The following ZNF724 variants were observed in gnomAD, a reference collection of about 807,000 sequenced individuals.
ZNF724 encodes the protein zinc finger protein 724, also known as zinc finger protein 724 pseudogene.
In ZNF724, 14 loss-of-function variants were observed where a neutral mutation model predicts 29.3. The ratio of observed to expected loss-of-function variants is 0.48; its 90% CI spans 0.32 to 0.75. The LOEUF is 0.75. Among genes scored for constraint, ZNF724 ranks in the 30% least tolerant of loss-of-function variants. The pLI, the probability that ZNF724 is intolerant of heterozygous loss-of-function variation, is 0.04. For missense variants in ZNF724, 557 were observed against 571.2 expected, an observed-to-expected ratio of 0.98 and a Z score of 0.25; for synonymous variants, 180 against 193.6, an observed-to-expected ratio of 0.93 and a Z score of 0.58.
At chr19:23,245,336 A>G (rs577839781) in intron 1 of ZNF724, among the ~76,000 whole-genome samples, 2 of 152,214 alleles carry the variant, frequency 1.3e-5, no homozygotes, top group Non-Finnish European at 2.9e-5. Flanking sequence ...TGATTTAGCC[A>G]GGTGCGGTGG....
intron 1 of ZNF724, among the ~76,000 whole-genome samples, chr19:23,244,636 G>C (rs1357985965): frequency 6.6e-6 from 1 of 152,086 alleles, no homozygotes; most frequent in Non-Finnish European, 1.5e-5. Context: ...TATAGAGTTT[G>C]CTGAACACCA....
chr19:23,225,012 C>A (rs566906072), intron 3 of ZNF724, among the ~76,000 whole-genome samples: 242 of 151,576 alleles, frequency 1.6e-3, no homozygotes, highest in African/African-American at 5.6e-3. Context: ...AATCTGTTGA[C>A]AATGCTATGA....
chr19:23,229,259 C>T (rs558728857), intron 3 of ZNF724, among the ~76,000 whole-genome samples: 11 of 152,100 alleles, frequency 7.2e-5, no homozygotes, highest in Non-Finnish European at 1.6e-4. Context: ...ACTGAGAATA[C>T]TGAACTTACC....
At chr19:23,229,851 A>G (rs911513044) in intron 3 of ZNF724, among the ~76,000 whole-genome samples, 2 of 152,146 alleles carry the variant, frequency 1.3e-5, no homozygotes, top group African/African-American at 4.8e-5. Context: ...TATTGTGCCC[A>G]GTGTCAATGC....
intron 1 of ZNF724, among the ~76,000 whole-genome samples, chr19:23,246,956 C>T (rs1332966524): frequency 6.6e-6 from 1 of 152,078 alleles, no homozygotes; most frequent in Non-Finnish European, 1.5e-5. Context: ...GGCACGGTGA[C>T]TCACGCCTGT....
chr19:23,227,170 CTT>C (rs1444655551), intron 3 of ZNF724, among the ~76,000 whole-genome samples: 1 of 152,026 alleles, frequency 6.6e-6, no homozygotes. Flanking sequence ...TAATGAGAAA[CTT>C]TTAATAAATA....
chr19:23,230,670 G>A (rs1252107175), intron 3 of ZNF724, among the ~76,000 whole-genome samples: 2 of 152,064 alleles, frequency 1.3e-5, no homozygotes, highest in African/African-American at 4.8e-5. Context: ...AGCAGATTTT[G>A]TAGTCTTGTA....
intron 1 of ZNF724, among the ~76,000 whole-genome samples, chr19:23,244,953 T>C (rs936607098): frequency 1.8e-4 from 28 of 152,128 alleles, no homozygotes; most frequent in African/African-American, 6.5e-4. Context: ...AAAAGTCAAA[T>C]GAAAGAAATG....
Position 23,222,759 on chromosome 19 carries a change from G to A in ZNF724, c.1486C>T (p.His496Tyr), listed in dbSNP as rs1043206694. Reference protein sequence around the residue: ...AFNLSSHLTTHKKIHTGEKPY... With the variant: ...AFNLSSHLTTYKKIHTGEKPY... ...TTCTCTCCAGTATGAATTTTCTTAT[G>A]TGTTGTAAGGTGTGAGGATAGGTTA... Residue 496 changes from histidine (H) to tyrosine (Y), a missense_variant, in exon 4 of 4, where the codon CAT (histidine) becomes TAT (tyrosine). Around this residue, in one of 3 missense-constraint regions of ZNF724, gnomAD observed 170 missense variants for 220.7 expected, o/e 0.77. Transcript: ENST00000418100. 7.1e-7 allele frequency: 1 copy of A among 1,404,626 alleles called. No homozygotes were observed. The highest frequency in any genetic ancestry group is 1.0e-6 in the Non-Finnish European group (1 of 998,116). 87.0% of individuals were successfully genotyped at this position (1,404,626 alleles called of 1,614,324 possible).
intron 1 of ZNF724, chr19:23,236,725 G>A (rs1972026862): frequency 6.6e-6 from 1 of 152,158 alleles, no homozygotes; most frequent in Admixed American, 6.5e-5. Flanking sequence ...GCATTATGAA[G>A]AAAGGGGACA....
At chr19:23,247,926 A>G (rs1411492760) in intron 1 of ZNF724, among the ~76,000 whole-genome samples, 2 of 152,178 alleles carry the variant, frequency 1.3e-5, no homozygotes, top group African/African-American at 4.8e-5. Flanking sequence ...AGCTTGTTCT[A>G]TAAGAGAAAA....
Position 23,222,418 on chromosome 19 carries a change from C to T in ZNF724, c.1827G>A (p.Lys609=). Reference sequence around the variant, plus strand: ...CAGATTTTTCTACAGCATGAATTTTCTTGTGTGTAGTAAGGTTTGAGCATT... The same window carrying T: ...CAGATTTTTCTACAGCATGAATTTTTTTGTGTGTAGTAAGGTTTGAGCATT... ...FNQCSNLTTH[K]KIHAVEKSDK Residue 609 remains lysine (K), a synonymous_variant, in exon 4 of 4, where the codon AAG becomes AAA. Coordinates refer to ENST00000418100, the MANE Select transcript of ZNF724 (RefSeq NM_001355404.2). 1 of 1,211,994 alleles carries T rather than the reference C, an allele frequency of 8.3e-7. No individual in the cohort carries two copies. Among genetic ancestry groups the T allele is most frequent in the Non-Finnish European group, 1.2e-6 (1 of 819,454 alleles). 75.1% of individuals were successfully genotyped at this position (1,211,994 alleles called of 1,614,324 possible). A position where few individuals can be genotyped will look rare whatever the true frequency, so the allele number is the denominator to read the frequency against.
intron 1 of ZNF724, among the ~76,000 whole-genome samples, chr19:23,243,923 C>CAA (rs1025789584): frequency 1.1e-5 from 1 of 90,174 alleles, no homozygotes; most frequent in African/African-American, 4.2e-5. Context: ...AACTCCATCT[C>CAA]AAAAAAAAAA....
intron 1 of ZNF724, among the ~76,000 whole-genome samples, chr19:23,249,077 A>G (rs940302301): frequency 2.6e-5 from 4 of 152,132 alleles, no homozygotes; most frequent in Non-Finnish European, 4.4e-5. Flanking sequence ...CAGAAAGAAT[A>G]TAACTGTACC....
Position 23,223,520 on chromosome 19 carries a change from T to G in ZNF724, c.725A>C (p.Asn242Thr). 1.3e-6 allele frequency: 1 copy of G among 744,866 alleles called. No homozygotes were observed. The highest frequency in any genetic ancestry group is 2.5e-6 in the Non-Finnish European group (1 of 400,872). The allele number at this position is 744,866 out of a possible 1,614,324, so 46.1% of individuals were successfully genotyped here. The change falls in exon 4 of 4, where the codon AAC becomes ACC. Residue 242 changes from asparagine (N) to threonine (T), a missense_variant. Coordinates refer to ENST00000418100, the MANE Select transcript of ZNF724 (RefSeq NM_001355404.2). ...TCCAGTATGAATTATCTTATGTGTG[T>G]TAAGGTGTGAGGACTTGTTAAAGGC... Reference protein sequence around the residue: ...GIAFNKSSHLNTHKIIHTGEK... With the variant: ...GIAFNKSSHLTTHKIIHTGEK...
At position 23,237,169 on chromosome 19, in the gene ZNF724, G is replaced by C. The variant is rs145540040; in HGVS notation, c.4-4876C>G. On this transcript the variant is annotated intron_variant, in intron 1 of 3. Coordinates refer to ENST00000418100, the MANE Select transcript of ZNF724 (RefSeq NM_001355404.2). The stretch of plus-strand genomic sequence containing the variant: ...CACCCAGCCTTCACCAACGTTTTTT[G>C]ATGAAGAATCAGAATCTGACTTTGT... 4.7e-4 allele frequency among the ~76,000 whole-genome samples: 71 copies of C among 152,102 alleles called. No homozygotes were observed. In the East Asian group the frequency reaches 0.012, roughly 26 times the overall value.
intron 1 of ZNF724, among the ~76,000 whole-genome samples, chr19:23,232,814 G>GT (rs66465283): frequency 0.51 from 57,758 of 113,728 alleles, 12,499 homozygotes; most frequent in African/African-American, 0.64. Context: ...GAAATAACCT[G>GT]TTTTTCCCCC....
intron 3 of ZNF724, among the ~76,000 whole-genome samples, chr19:23,224,533 A>G (rs1397862628): frequency 6.6e-6 from 1 of 152,246 alleles, no homozygotes. Context: ...AAATTTATAA[A>G]TGAGTTAAGT....
In ZNF724 at chr19:23,222,405, C is replaced by G. The variant is rs759161675; in HGVS notation, c.1840G>C (p.Val614Leu). ...NLTTHKKIHA[V>L]EKSDK ...TTTTCTTATTTGTCAGATTTTTCTA[C>G]AGCATGAATTTTCTTGTGTGTAGTA... The change falls in exon 4 of 4, where the codon GTA (valine) becomes CTA (leucine). Residue 614 changes from valine to leucine, a missense_variant. By Grantham distance (32) the Val-to-Leu change is conservative. Transcript: ENST00000418100. 1 of 1,173,766 alleles carries G rather than the reference C, an allele frequency of 8.5e-7. No homozygotes were observed. The highest frequency in any genetic ancestry group is 1.2e-5 in the South Asian group (1 of 80,788). 72.7% of individuals were successfully genotyped at this position (1,173,766 alleles called of 1,614,324 possible). A position where few individuals can be genotyped will look rare whatever the true frequency, so the allele number is the denominator to read the frequency against.
Sources: gnomAD v4.1 joint callset for allele counts (sites outside exome capture counted in the v4.1 genomes callset) on GRCh38, gnomAD v4.1.1 for gene constraint, gnomAD v4.1.1 regional missense constraint, MANE v1.5 for transcripts, NCBI Gene and HGNC (gene_info 2026-07-23, HGNC 2026-07-21) for gene names.